Variants in GTF2A2 observed in about 807,000 individuals in gnomAD.
GTF2A2 encodes the protein general transcription factor IIA subunit 2, also known as transcription initiation factor IIA subunit 2.
Under a neutral mutation model 14.3 loss-of-function variants are expected in GTF2A2, and 9 were observed. The ratio of observed to expected loss-of-function variants is 0.63; its 90% confidence interval spans 0.38 to 1.10. The LOEUF is 1.10. Ranked by LOEUF, GTF2A2 falls within the 50% of genes least tolerant of loss-of-function variation. The probability of loss-of-function intolerance (pLI) is 0.01; values close to 1 mark genes in which losing one functional copy is unlikely to be tolerated. For missense variants in GTF2A2, 90 were observed against 124.6 expected (o/e 0.72, Z 1.32); for synonymous variants, 56 against 46.0 (o/e 1.22, Z -0.88).
chr15:59,653,616 T>A (rs985260351), intron 1 of GTF2A2, among the ~76,000 whole-genome samples: 5 of 152,136 alleles, frequency 3.3e-5, no homozygotes, highest in Non-Finnish European at 5.9e-5. Context: ...TACTTTACTC[T>A]CTTAGTTACC....
At chr15:59,643,127 T>C (rs1440764133) in intron 3 of GTF2A2, among the ~76,000 whole-genome samples, 2 of 141,722 alleles carry the variant, frequency 1.4e-5, no homozygotes, top group Admixed American at 1.5e-4. Context: ...TTGCCCAGGC[T>C]GCAGTGCAGT....
chr15:59,654,403 T>C (rs1891883591), intron 1 of GTF2A2, among the ~76,000 whole-genome samples: 1 of 152,190 alleles, frequency 6.6e-6, no homozygotes, highest in East Asian at 1.9e-4. Flanking sequence ...TCTCATTTGA[T>C]TCAGATCTCT....
intron 3 of GTF2A2, among the ~76,000 whole-genome samples, chr15:59,643,923 C>G (rs1431182135): frequency 6.6e-6 from 1 of 151,584 alleles, no homozygotes; most frequent in African/African-American, 2.4e-5. Flanking sequence ...GAGATAGAGT[C>G]TCACTCTGTT....
intron 4 of GTF2A2, among the ~76,000 whole-genome samples, chr15:59,640,953 G>T (rs555538398): frequency 2.6e-5 from 4 of 152,108 alleles, no homozygotes; most frequent in African/African-American, 9.7e-5. Context: ...GTAACCTTCT[G>T]AACTATAACA....
rs770518030 is a variant in GTF2A2, at chr15:59,638,267, A to C, written c.*865T>G. ...AGTGGCATGCTGAGGTAACAACTGC[A>C]GGAGCATCGAGGTAACAGCAAAAAT... On this transcript the variant is annotated 3_prime_UTR_variant, in exon 5 of 5. Transcript: ENST00000396060. The C allele has an allele frequency of 2.0e-5, 3 of 152,110 alleles. No homozygotes were observed. Among genetic ancestry groups the C allele is most frequent in the Non-Finnish European group, 4.4e-5 (3 of 68,030 alleles). 9.4% of individuals were successfully genotyped at this position (152,110 alleles called of 1,614,324 possible).
intron 3 of GTF2A2, among the ~76,000 whole-genome samples, chr15:59,644,923 A>G (rs1415727420): frequency 6.6e-6 from 1 of 152,226 alleles, no homozygotes; most frequent in East Asian, 1.9e-4. Context: ...TGATGACATA[A>G]TGGGTTAGAC....
chr15:59,642,299 T>A (rs760199278), intron 3 of GTF2A2, 37 bp from the exon 4 acceptor site: 7 of 1,546,708 alleles, frequency 4.5e-6, no homozygotes, highest in Non-Finnish European at 8.7e-7. Flanking sequence ...CGTGAAACGT[T>A]TTTTCCCCTC....
intron 3 of GTF2A2, among the ~76,000 whole-genome samples, chr15:59,648,654 G>A (rs1891691815): frequency 1.3e-5 from 2 of 152,068 alleles, no homozygotes; most frequent in South Asian, 2.1e-4. Flanking sequence ...CAAAAAACAG[G>A]CCGGGCGCAG....
intron 3 of GTF2A2, among the ~76,000 whole-genome samples, chr15:59,646,750 CAATT>C (rs1237611063): frequency 6.6e-6 from 1 of 152,022 alleles, no homozygotes; most frequent in African/African-American, 2.4e-5. Context: ...TGAAAATTGA[CAATT>C]AACATCATCA....
intron 3 of GTF2A2, among the ~76,000 whole-genome samples, chr15:59,646,254 C>T (rs1322446418): frequency 6.6e-6 from 1 of 152,060 alleles, no homozygotes; most frequent in Non-Finnish European, 1.5e-5. Flanking sequence ...ACGGGTTTTA[C>T]CATATTGGTC....
chr15:59,650,555 T>C (rs187251261), intron 3 of GTF2A2, 114 bp downstream of exon 3: 4 of 586,602 alleles, frequency 6.8e-6, no homozygotes, highest in African/African-American at 5.6e-5. Context: ...GTTCCAAAAA[T>C]TGACTAAGCC....
At chr15:59,647,540 T>A (rs1419475192) in intron 3 of GTF2A2, among the ~76,000 whole-genome samples, 2 of 152,220 alleles carry the variant, frequency 1.3e-5, no homozygotes, top group East Asian at 3.8e-4. Flanking sequence ...TTTTAATAAA[T>A]ACATTTTTGG....
At chr15:59,639,225 TTTAAGACTATCAAAA>T in intron 4 of GTF2A2, 68 bp from the exon 5 acceptor site, 1 of 959,220 alleles carries the variant, frequency 1.0e-6, no homozygotes. Flanking sequence ...AATTAACTAT[TTTAAGACTATCAAAA>T]ATGAGAACAC....
At chr15:59,649,958 G>A (rs1376305614) in intron 3 of GTF2A2, among the ~76,000 whole-genome samples, 1 of 152,136 alleles carries the variant, frequency 6.6e-6, no homozygotes, top group Non-Finnish European at 1.5e-5. Context: ...TACAGGTTAT[G>A]CCTTATAATA....
At chr15:59,654,243 A>G (rs1402174994) in intron 1 of GTF2A2, among the ~76,000 whole-genome samples, 1 of 152,138 alleles carries the variant, frequency 6.6e-6, no homozygotes, top group Admixed American at 6.5e-5. Context: ...CTACTTCCCT[A>G]TCTTCGCCCA....
intron 4 of GTF2A2, among the ~76,000 whole-genome samples, chr15:59,640,685 AAATT>A (rs1221781160): frequency 6.6e-6 from 1 of 152,204 alleles, no homozygotes; most frequent in African/African-American, 2.4e-5. Context: ...TAGGTATTAT[AAATT>A]AATCCCTGAA....
At chr15:59,656,579 TAGG>T (rs1443377342) in intron 1 of GTF2A2, among the ~76,000 whole-genome samples, 5 of 151,840 alleles carry the variant, frequency 3.3e-5, no homozygotes, top group Non-Finnish European at 5.9e-5. Context: ...TGGCACACAA[TAGG>T]AGCCAAAAAA....
intron 3 of GTF2A2, among the ~76,000 whole-genome samples, chr15:59,645,476 A>G (rs1891573412): frequency 6.6e-6 from 1 of 152,224 alleles, no homozygotes; most frequent in African/African-American, 2.4e-5. Context: ...TCAAAAAAAC[A>G]ATCATCAATA....
intron 1 of GTF2A2, 51 bp downstream of exon 1, chr15:59,657,355 G>A (rs1226646420): frequency 6.6e-6 from 1 of 152,540 alleles, no homozygotes; most frequent in Non-Finnish European, 1.5e-5. Flanking sequence ...GGGGGCGGCA[G>A]GGAGCGCGGC....
Sources: gnomAD v4.1 joint callset for allele counts (sites outside exome capture counted in the v4.1 genomes callset) on GRCh38, gnomAD v4.1.1 for gene constraint, MANE v1.5 for transcripts, NCBI Gene and HGNC (gene_info 2026-07-23, HGNC 2026-07-21) for gene names.